ARHGAP24: variants seen among roughly 807,000 people sequenced by gnomAD.
ARHGAP24 encodes the protein rho GTPase-activating protein 24.
In ARHGAP24, 50 loss-of-function variants were observed where a neutral mutation model predicts 76.4. The ratio of observed to expected loss-of-function variants is 0.65; its 90% CI spans 0.52 to 0.83. ARHGAP24 has a LOEUF of 0.83. Among genes scored for constraint, ARHGAP24 ranks in the 40% least tolerant of loss-of-function variants. The probability of loss-of-function intolerance (pLI) is 0.00; values close to 1 mark genes in which losing one functional copy is unlikely to be tolerated. For missense variants in ARHGAP24, 930 were observed against 914.2 expected, an observed-to-expected ratio of 1.02 and a Z score of -0.22; for synonymous variants, 345 against 323.3, an observed-to-expected ratio of 1.07 and a Z score of -0.72.
At chr4:85,754,669 G>A (rs1020604334) in intron 3 of ARHGAP24, among the ~76,000 whole-genome samples, 7 of 152,218 alleles carry the variant, frequency 4.6e-5, no homozygotes, top group Admixed American at 2.0e-4. Context: ...TCCAGTGAGT[G>A]AGGAATGTCT....
chr4:85,714,261 T>TA (rs1186583328), intron 2 of ARHGAP24, among the ~76,000 whole-genome samples: 1 of 152,170 alleles, frequency 6.6e-6, no homozygotes, highest in Non-Finnish European at 1.5e-5. Flanking sequence ...AAGAAAGTGT[T>TA]AAACGTTTTA....
At chr4:85,889,680 C>G (rs565121783) in intron 3 of ARHGAP24, among the ~76,000 whole-genome samples, 24 of 152,210 alleles carry the variant, frequency 1.6e-4, no homozygotes, top group Admixed American at 5.2e-4. Context: ...GGGAGAACTC[C>G]AACTATCTCA....
At chr4:85,690,987 A>G (rs1723633902) in intron 2 of ARHGAP24, among the ~76,000 whole-genome samples, 1 of 152,124 alleles carries the variant, frequency 6.6e-6, no homozygotes, top group South Asian at 2.1e-4. Context: ...GTTTGGTGCT[A>G]TAAACTGTCC....
rs138259197 is a variant in ARHGAP24 at position 85,627,049 on chromosome 4, T to C, written c.180+56328T>C. On this transcript the variant is annotated intron_variant, in intron 2 of 9. Coordinates refer to ENST00000395184, the MANE Select transcript of ARHGAP24 (RefSeq NM_001025616.3). ...CCTCCTGTAGCTTGGAGTAGTTTGA[T>C]CATCTGAAGCCTTCTTCTCTCAACT... Among the ~76,000 whole-genome samples, 492 of 152,316 alleles carry C rather than the reference T, an allele frequency of 3.2e-3. 2 individuals are homozygous for C. Among genetic ancestry groups the C allele is most frequent in the Admixed American group, 5.4e-3 (82 of 15,300 alleles).
At chr4:85,984,003 C>A (rs753254584) in intron 8 of ARHGAP24, among the ~76,000 whole-genome samples, 2 of 152,118 alleles carry the variant, frequency 1.3e-5, no homozygotes, top group Non-Finnish European at 2.9e-5. Context: ...AGTAAGCCTG[C>A]GAATGCAAAG....
chr4:85,662,618 C>T (rs1722442424), intron 2 of ARHGAP24, among the ~76,000 whole-genome samples: 1 of 151,732 alleles, frequency 6.6e-6, no homozygotes, highest in South Asian at 2.1e-4. Context: ...ATGGTATTGC[C>T]TAGGTTTTCT....
intron 2 of ARHGAP24, among the ~76,000 whole-genome samples, chr4:85,580,241 A>T (rs1727554423): frequency 6.6e-6 from 1 of 152,016 alleles, no homozygotes; most frequent in Non-Finnish European, 1.5e-5. Context: ...GTTACTGAGA[A>T]CTGGTGAGAA....
At chr4:85,913,289 CT>C (rs1281824741) in intron 3 of ARHGAP24, among the ~76,000 whole-genome samples, 1 of 151,522 alleles carries the variant, frequency 6.6e-6, no homozygotes, top group Non-Finnish European at 1.5e-5. Flanking sequence ...GAAACAGCTC[CT>C]GTAAAGTTGT....
At chr4:85,725,270 A>G (rs1477256710) in intron 3 of ARHGAP24, among the ~76,000 whole-genome samples, 1 of 152,220 alleles carries the variant, frequency 6.6e-6, no homozygotes, top group Non-Finnish European at 1.5e-5. Context: ...AACACCTGGA[A>G]ATAGCACAGT....
chr4:85,914,401 T>C (rs1226419269), intron 3 of ARHGAP24, among the ~76,000 whole-genome samples: 2 of 152,194 alleles, frequency 1.3e-5, no homozygotes, highest in Non-Finnish European at 2.9e-5. Context: ...GCCATTTTGA[T>C]TCAGTTAGTG....
intron 3 of ARHGAP24, among the ~76,000 whole-genome samples, chr4:85,770,852 T>G (rs1727104606): frequency 6.6e-6 from 1 of 152,210 alleles, no homozygotes. Context: ...TAAGGAAACT[T>G]TCCATATAAG....
chr4:85,513,122 C>G (rs956404963), intron 1 of ARHGAP24, among the ~76,000 whole-genome samples: 1 of 152,242 alleles, frequency 6.6e-6, no homozygotes, highest in Non-Finnish European at 1.5e-5. Flanking sequence ...ATAATAGCTG[C>G]TGGACCTCCA....
intron 1 of ARHGAP24, among the ~76,000 whole-genome samples, chr4:85,564,924 GTATA>G (rs3028011): frequency 0.15 from 7,867 of 52,426 alleles, 765 homozygotes; most frequent in Middle Eastern, 0.23. Flanking sequence ...AACACACACG[GTATA>G]TATATATATA....
rs1732609837 is a variant in ARHGAP24 at position 85,872,709 on chromosome 4, C to T, written c.269-50939C>T. Among the ~76,000 whole-genome samples the T allele has an allele frequency of 3.5e-5, 5 of 143,024 alleles. No individual in the cohort carries two copies. The South Asian group carries it at 7.1e-4, about 20-fold the overall frequency. 93.8% of individuals were successfully genotyped at this position (143,024 alleles called of 152,430 possible). On this transcript the variant is annotated intron_variant, in intron 3 of 9. Transcript: ENST00000395184. The stretch of plus-strand genomic sequence containing the variant: ...GCCTCCCAGGTTCAAGCAATTCTTA[C>T]GCCTCAGCCACCCAAATAGCTGGGA...
At chr4:85,950,350 A>G (rs1003076331) in intron 5 of ARHGAP24, among the ~76,000 whole-genome samples, 1 of 152,118 alleles carries the variant, frequency 6.6e-6, no homozygotes, top group Non-Finnish European at 1.5e-5. Context: ...AAATTAAAAA[A>G]CTAGCTGCCT....
intron 1 of ARHGAP24, among the ~76,000 whole-genome samples, chr4:85,500,579 T>C (rs1262874022): frequency 2.0e-5 from 3 of 152,246 alleles, no homozygotes; most frequent in Non-Finnish European, 4.4e-5. Context: ...TAAAGTAATT[T>C]ATTTTAGTCA....
intron 2 of ARHGAP24, among the ~76,000 whole-genome samples, chr4:85,701,695 C>G (rs1724094443): frequency 6.6e-6 from 1 of 151,846 alleles, no homozygotes; most frequent in Non-Finnish European, 1.5e-5. Flanking sequence ...TTTTACAATT[C>G]AGAATTGTCT....
At chr4:85,544,493 C>T (rs1725825699) in intron 1 of ARHGAP24, among the ~76,000 whole-genome samples, 1 of 152,092 alleles carries the variant, frequency 6.6e-6, no homozygotes, top group African/African-American at 2.4e-5. Context: ...AAGGGAAAAA[C>T]TTCAGCATCT....
chr4:85,797,201 C>T (rs1352523005), intron 3 of ARHGAP24, among the ~76,000 whole-genome samples: 2 of 151,168 alleles, frequency 1.3e-5, no homozygotes, highest in Admixed American at 6.6e-5. Flanking sequence ...TGAGATGAGT[C>T]TTGCTCTGTT....
Sources: allele counts gnomAD v4.1 joint callset (sites outside exome capture counted in the v4.1 genomes callset), GRCh38; gene constraint gnomAD v4.1.1; transcripts MANE v1.5; gene names NCBI Gene and HGNC (gene_info 2026-07-23, HGNC 2026-07-21).